Variants in CALCOCO1 observed in about 807,000 individuals in gnomAD.
The protein encoded by CALCOCO1 is calcium binding and coiled-coil domain 1, also known as calcium-binding and coiled-coil domain-containing protein 1.
CALCOCO1 carries 44 observed loss-of-function variants against 86.3 expected under a neutral mutation model. The observed-to-expected ratio is 0.51, with a 90% CI of 0.40 to 0.66. The LOEUF (loss-of-function observed/expected upper bound fraction) is 0.66, where lower values mean the gene tolerates loss of function less well. Among genes scored for constraint, CALCOCO1 ranks in the 30% least tolerant of loss-of-function variants. The probability of loss-of-function intolerance (pLI) is 0.00; values close to 1 mark genes in which losing one functional copy is unlikely to be tolerated. For synonymous variants in CALCOCO1, 297 were observed against 327.6 expected, an observed-to-expected ratio of 0.91 and a Z score of 1.01; for missense variants, 708 against 851.1, an observed-to-expected ratio of 0.83 and a Z score of 2.09.
rs571238343 is a variant in CALCOCO1 at position 53,708,948 on chromosome 12, TG to T, written c.*2995del. 3.3e-4 allele frequency: 50 copies of T among 152,232 alleles called. No individual in the cohort carries two copies. The highest frequency in any genetic ancestry group is 6.2e-4 in the Non-Finnish European group (42 of 68,044). 9.4% of individuals were successfully genotyped at this position (152,232 alleles called of 1,614,324 possible). On this transcript the variant is annotated 3_prime_UTR_variant, in exon 15 of 15. Transcript: ENST00000550804. ...GTAGATGGGAAATGGAAGGGCAAGT[TG>T]GGACAGATGGTGAAGACCCTGACTG...
intron 14 of CALCOCO1, 151 bp downstream of exon 14, chr12:53,712,949 A>G: frequency 1.6e-6 from 2 of 1,275,064 alleles, no homozygotes; most frequent in Non-Finnish European, 2.2e-6. Context: ...GCAGTGAGTC[A>G]TTTTCCTTGT....
At chr12:53,713,637 T>C (rs1013191469) in intron 13 of CALCOCO1, 64 bp downstream of exon 13, 1 of 1,405,998 alleles carries the variant, frequency 7.1e-7, no homozygotes, top group Non-Finnish European at 9.6e-7. Flanking sequence ...CACTCCAGGC[T>C]GGGACACTTG....
At position 53,721,632 on chromosome 12, in the gene CALCOCO1, C is replaced by T. The variant is rs761937612; in HGVS notation, c.610-17G>A. The T allele has an allele frequency of 1.2e-5, 20 of 1,613,706 alleles. No homozygotes were observed. The highest frequency in any genetic ancestry group is 1.7e-5 in the Admixed American group (1 of 59,928). ...GGAAATCCCCTGAAATTAAGTTTCCCCCAGAAGAAAAGGGAGGTTGGGACT... is the reference window on the plus strand; with the variant it reads ...GGAAATCCCCTGAAATTAAGTTTCCTCCAGAAGAAAAGGGAGGTTGGGACT... On this transcript the variant is annotated splice_polypyrimidine_tract_variant and intron_variant, in intron 5 of 14. Coordinates refer to ENST00000550804, the MANE Select transcript of CALCOCO1 (RefSeq NM_020898.3).
rs755318526 is a variant in CALCOCO1 at position 53,722,187 on chromosome 12, C to T, written c.451-4G>A. The T allele has an allele frequency of 4.0e-5, 65 of 1,612,416 alleles. 1 individual carries two copies. Among genetic ancestry groups the T allele is most frequent in the South Asian group, 1.6e-4 (15 of 91,092 alleles). ...GCTGGCTCTCATCGAGCTGGTTCTA[C>T]AGGCAGCAGAAGGAGAAGGGGAGTG... On this transcript the variant is annotated splice_polypyrimidine_tract_variant and splice_region_variant and intron_variant, in intron 4 of 14. Transcript: ENST00000550804.
chr12:53,716,439 A>C (rs1281881073), intron 7 of CALCOCO1, 24 bp from the exon 8 acceptor site: 1 of 1,613,912 alleles, frequency 6.2e-7, no homozygotes, highest in Non-Finnish European at 8.5e-7. Context: ...AAAGCAGGTA[A>C]GGAAAGGGGT....
Position 53,710,930 on chromosome 12 carries a change from A to G in CALCOCO1, c.*1014T>C. ...ATTATCCAAGCCAGACTCCCACTTG[A>G]GACAACCCACTCATGGCCAGCACAC... On this transcript the variant is annotated 3_prime_UTR_variant, in exon 15 of 15. Coordinates refer to ENST00000550804, the MANE Select transcript of CALCOCO1 (RefSeq NM_020898.3). 3.8e-6 allele frequency: 1 copy of G among 260,844 alleles called. No individual in the cohort carries two copies. The highest frequency in any genetic ancestry group is 7.1e-6 in the Non-Finnish European group (1 of 139,924). 16.2% of individuals were successfully genotyped at this position (260,844 alleles called of 1,614,324 possible).
At chr12:53,715,765 G>A in intron 9 of CALCOCO1, 28 bp downstream of exon 9, 1 of 1,606,246 alleles carries the variant, frequency 6.2e-7, no homozygotes, top group Non-Finnish European at 8.5e-7. Flanking sequence ...GTGGCCATCA[G>A]ATTGCCAGGT....
In CALCOCO1 at chr12:53,716,009, G is replaced by C. The variant is rs1469118081; in HGVS notation, c.1044C>G (p.Ala348=). 6.2e-7 allele frequency: 1 copy of C among 1,613,618 alleles called. No individual in the cohort carries two copies. Among genetic ancestry groups the C allele is most frequent in the Non-Finnish European group, 8.5e-7 (1 of 1,180,012 alleles). The stretch of plus-strand genomic sequence containing the variant: ...GCTGGCTTGAGGCTGCAAGCTCCTG[G>C]GCCCCTCGAAGCTGCTCCTTCAAGG... The part of the protein sequence containing the change: ...LEPLKEQLRG[A]QELAASSQQK... The change falls in exon 9 of 15, where the codon GCC becomes GCG. Residue 348 remains alanine (A), a synonymous_variant. Coordinates refer to ENST00000550804, the MANE Select transcript of CALCOCO1 (RefSeq NM_020898.3).
chr12:53,723,897 C>G (rs953477662), intron 3 of CALCOCO1, 114 bp from the exon 4 acceptor site: 2 of 830,564 alleles, frequency 2.4e-6, no homozygotes, highest in Non-Finnish European at 3.7e-6. Context: ...ACAGGCCATA[C>G]TCTTCTCCCT....
chr12:53,727,203 C>CCCCCA (rs1319567116), intron 1 of CALCOCO1, among the ~76,000 whole-genome samples: 2 of 152,082 alleles, frequency 1.3e-5, no homozygotes, highest in Non-Finnish European at 2.9e-5. Context: ...GAGGGGGCGC[C>CCCCCA]CCCCACCCCC....
chr12:53,713,864 G>A lies in CALCOCO1; in HGVS notation c.1628C>T (p.Ser543Phe). Residue 543 changes from serine (S) to phenylalanine (F), a missense_variant, in exon 13 of 15, where the codon TCC becomes TTC. Physicochemically the swap from Ser to Phe is radical, Grantham distance 155. Transcript: ENST00000550804. ...GGGTGGGAGCCTCATGTCTTCTGGG[G>A]ACTCGTCCTCTGAGTCTGTCAGAGC... ...PAALTDSEDE[S>F]PEDMRLPPYG... 1 of 1,529,584 alleles carries A rather than the reference G, an allele frequency of 6.5e-7. No homozygotes were observed. Among genetic ancestry groups the A allele is most frequent in the Non-Finnish European group, 8.8e-7 (1 of 1,139,554 alleles). 94.8% of individuals were successfully genotyped at this position (1,529,584 alleles called of 1,614,324 possible).
rs35358749 is a variant in CALCOCO1, at chr12:53,722,156, G to A, written c.478C>T (p.Arg160Trp). 147 of 1,613,534 alleles carry A rather than the reference G, an allele frequency of 9.1e-5. No homozygotes were observed. Among genetic ancestry groups the A allele is most frequent in the Non-Finnish European group, 1.1e-4 (130 of 1,180,044 alleles). Residue 160 changes from arginine (R) to tryptophan (W), a missense_variant, in exon 5 of 15, where the codon CGG becomes TGG. Transcript: ENST00000550804. ...QNQLDESQQE[R>W]NDLMQLKLQL... ...AGCTTCAGCTGCATCAGGTCATTCC[G>A]TTCTTGCTGGCTCTCATCGAGCTGG...
rs774745623 is a variant in CALCOCO1 at position 53,713,158 on chromosome 12, C to G, written c.1840G>C (p.Gly614Arg). 1 of 1,614,150 alleles carries G rather than the reference C, an allele frequency of 6.2e-7. No individual in the cohort carries two copies. Among genetic ancestry groups the G allele is most frequent in the Non-Finnish European group, 8.5e-7 (1 of 1,180,010 alleles). The change falls in exon 14 of 15, where the codon GGT becomes CGT. Residue 614 changes from glycine (G) to arginine (R), a missense_variant. Physicochemically the swap from Gly to Arg is moderately radical, Grantham distance 125. Coordinates refer to ENST00000550804, the MANE Select transcript of CALCOCO1 (RefSeq NM_020898.3). ...SVLMAAVQSGGEEANLLLPEL... is the reference protein window; with the variant it reads ...SVLMAAVQSGREEANLLLPEL... ...GGAAGCAGTAAGTTGGCCTCCTCAC[C>G]CCCACTCTGCACAGCTGCCATCAGG...
chr12:53,713,206 C>G lies in CALCOCO1; in HGVS notation c.1792G>C (p.Glu598Gln). The change falls in exon 14 of 15, where the codon GAG becomes CAG. Residue 598 changes from glutamate (E) to glutamine (Q), a missense_variant and splice_region_variant. Transcript: ENST00000550804. ...GPAEDSSSDS[E>Q]AEDEKSVLMA... ...AGGACTGACTTCTCATCTTCAGCCT[C>G]CTGGATGCCAAAGAGACAGGGTTGG... The G allele has an allele frequency of 1.2e-5, 20 of 1,613,650 alleles. No homozygotes were observed. The highest frequency in any genetic ancestry group is 1.7e-5 in the Non-Finnish European group (20 of 1,179,710).
At chr12:53,722,943 C>CAAAA (rs58897806) in intron 4 of CALCOCO1, 402 of 194,148 alleles carry the variant, frequency 2.1e-3, no homozygotes, top group East Asian at 4.5e-3. Flanking sequence ...AAGGCTGTCT[C>CAAAA]AAAAAAAAAA....
chr12:53,718,181 C>T (rs11170661), intron 7 of CALCOCO1, among the ~76,000 whole-genome samples: 20,629 of 152,030 alleles, frequency 0.14, 1,544 homozygotes, highest in South Asian at 0.22. Context: ...AACTGAGTTG[C>T]AAGGTGGACA....
rs149062992 is a variant in CALCOCO1, at chr12:53,723,934, T to C, written c.260-151A>G. 316 of 664,226 alleles carry C rather than the reference T, an allele frequency of 4.8e-4. 3 individuals carry two copies. In the African/African-American group the frequency reaches 5.0e-3, roughly 11 times the overall value. The allele number at this position is 664,226 out of a possible 1,614,324, so 41.1% of individuals were successfully genotyped here. The stretch of plus-strand genomic sequence containing the variant: ...CTTTCTGCCTGTCCCTCTCCTTCCT[T>C]TCTTTCCCAAACCCACTGCCCCTCT... On this transcript the variant is annotated intron_variant, in intron 3 of 14. Coordinates refer to ENST00000550804, the MANE Select transcript of CALCOCO1 (RefSeq NM_020898.3).
In CALCOCO1 at chr12:53,721,464, C is replaced by T. The variant is rs1186292358; in HGVS notation, c.758+3G>A. 3 of 1,606,908 alleles carry T rather than the reference C, an allele frequency of 1.9e-6. No homozygotes were observed. Among genetic ancestry groups the T allele is most frequent in the East Asian group, 2.2e-5 (1 of 44,722 alleles). On this transcript the variant is annotated splice_donor_region_variant and intron_variant, in intron 6 of 14. Coordinates refer to ENST00000550804, the MANE Select transcript of CALCOCO1 (RefSeq NM_020898.3). ...AGTGACGGGGTCAGTGGACTCCCCT[C>T]ACCTGTCCAGCTCCACTTCCTTCGT...
intron 7 of CALCOCO1, among the ~76,000 whole-genome samples, chr12:53,717,928 G>C (rs982389697): frequency 6.6e-6 from 1 of 152,160 alleles, no homozygotes; most frequent in Non-Finnish European, 1.5e-5. Flanking sequence ...AGGAGGCTGA[G>C]ACAGAAGAAT....
Sources: allele counts gnomAD v4.1 joint callset (sites outside exome capture counted in the v4.1 genomes callset), GRCh38; gene constraint gnomAD v4.1.1; transcripts MANE v1.5; gene names NCBI Gene and HGNC (gene_info 2026-07-23, HGNC 2026-07-21).